Variants in RANBP2 observed in about 807,000 individuals in gnomAD.
RANBP2 encodes the protein RAN binding protein 2.
A neutral mutation model predicts 303.6 loss-of-function variants in RANBP2; 57 were observed. The ratio of observed to expected loss-of-function variants is 0.19; its 90% CI spans 0.15 to 0.23. RANBP2 has a LOEUF of 0.23. Among genes scored for constraint, RANBP2 ranks in the 10% least tolerant of loss-of-function variants. The probability of loss-of-function intolerance (pLI) is 1.00; values close to 1 mark genes in which losing one functional copy is unlikely to be tolerated. For missense variants in RANBP2, 3,138 were observed against 3,780.8 expected (o/e 0.83, Z 4.46); for synonymous variants, 1,167 against 1,301.5 (o/e 0.90, Z 2.23).
the RANBP2 span, among the ~76,000 whole-genome samples, chr2:108,799,303 T>A: frequency 0.8 from 121,479 of 151,740 alleles, 48,896 homozygotes; most frequent in East Asian, 0.95. Context: ...TAAGATATAT[T>A]TTACTGTACA....
rs531942994 is a variant in RANBP2 at position 108,763,919 on chromosome 2, G to C, written c.3380G>C (p.Arg1127Pro). Reference protein sequence around the residue: ...SSQQKNSGFRRSDDMFTFHGP... With the variant: ...SSQQKNSGFRPSDDMFTFHGP... ...CAGCAAAAGAATTCTGGTTTTCGGC[G>C]AAGTGATGATATGTTTACTTTCCAT... Residue 1127 changes from arginine to proline, a missense_variant, in exon 20 of 29, where the codon CGA becomes CCA. Transcript: ENST00000283195. 6.2e-7 allele frequency: 1 copy of C among 1,613,886 alleles called. No homozygotes were observed. Among genetic ancestry groups the C allele is most frequent in the South Asian group, 1.1e-5 (1 of 91,084 alleles).
At chr2:109,084,971 C>T in the RANBP2 span, among the ~76,000 whole-genome samples, 1 of 152,164 alleles carries the variant, frequency 6.6e-6, no homozygotes, top group Admixed American at 6.5e-5. Flanking sequence ...TTGATAACAC[C>T]TGAGCCTGAC....
At chr2:109,579,982 G>A in the RANBP2 span, among the ~76,000 whole-genome samples, 1,077 of 151,784 alleles carry the variant, frequency 7.1e-3, 13 homozygotes, top group African/African-American at 0.024. Context: ...TTAGCTGGGC[G>A]TGGTGGCAGG....
At chr2:108,958,704 T>C in the RANBP2 span, among the ~76,000 whole-genome samples, 1 of 152,202 alleles carries the variant, frequency 6.6e-6, no homozygotes, top group Non-Finnish European at 1.5e-5. Context: ...GTGACTTCTG[T>C]TGGAACACCC....
chr2:108,768,392 A>G lies in RANBP2; in HGVS notation c.7849+4A>G, dbSNP rs2949961. On this transcript the variant is annotated splice_donor_region_variant and intron_variant, in intron 20 of 28. Transcript: ENST00000283195. Reference sequence around the variant, plus strand: ...ACATTTAAAACACCAGAAAAGGGTAAGTACTTTGTTGTTAAAGTTAAGCAC... The same window carrying G: ...ACATTTAAAACACCAGAAAAGGGTAGGTACTTTGTTGTTAAAGTTAAGCAC... The G allele has an allele frequency of 4.7e-3, 7,506 of 1,599,878 alleles. 116 individuals are homozygous for G. The highest frequency in any genetic ancestry group is 0.029 in the East Asian group (1,286 of 44,486).
chr2:109,673,534 C>T, the RANBP2 span, among the ~76,000 whole-genome samples: 1 of 152,112 alleles, frequency 6.6e-6, no homozygotes, highest in Non-Finnish European at 1.5e-5. Flanking sequence ...TTTGGGTGGG[C>T]ATCAGAAATT....
the RANBP2 span, among the ~76,000 whole-genome samples, chr2:108,962,768 G>T: frequency 6.7e-6 from 1 of 149,686 alleles, no homozygotes; most frequent in African/African-American, 2.5e-5. Flanking sequence ...TGACACCATC[G>T]CACACACACC....
the RANBP2 span, among the ~76,000 whole-genome samples, chr2:108,916,326 C>T: frequency 6.4e-4 from 97 of 152,272 alleles, no homozygotes; most frequent in South Asian, 3.9e-3. Context: ...GGCTCGCAGG[C>T]TGCTTCAGGT....
At chr2:109,677,543 G>T in the RANBP2 span, among the ~76,000 whole-genome samples, 1 of 152,110 alleles carries the variant, frequency 6.6e-6, no homozygotes, top group African/African-American at 2.4e-5. Flanking sequence ...AAGCTGTATG[G>T]GTCGCCAGAG....
At chr2:109,435,993 C>T in the RANBP2 span, among the ~76,000 whole-genome samples, 1 of 152,176 alleles carries the variant, frequency 6.6e-6, no homozygotes, top group Non-Finnish European at 1.5e-5. Flanking sequence ...GAAACCCTCA[C>T]TCTGTGTTGC....
chr2:109,205,816 A>G, the RANBP2 span, among the ~76,000 whole-genome samples: 1 of 152,174 alleles, frequency 6.6e-6, no homozygotes, highest in African/African-American at 2.4e-5. Flanking sequence ...AGGGAAGCAC[A>G]CTGTGTGTGT....
the RANBP2 span, among the ~76,000 whole-genome samples, chr2:108,985,471 C>T: frequency 5.9e-5 from 9 of 152,356 alleles, no homozygotes; most frequent in Non-Finnish European, 1.3e-4. Flanking sequence ...TGTAGGGCTC[C>T]TTACGGCCCA....
In RANBP2 at chr2:108,762,153, C is replaced by T. The variant is rs1445637927; in HGVS notation, c.2655C>T (p.Ser885=). ...VYYSQSPAYN[S]QYLLRPAANV... ...ATAGTCAGTCACCAGCATATAATTC[C>T]CAGTATCTTCTCAGACCAGCAGCTA... Residue 885 remains serine, a synonymous_variant, in exon 19 of 29, where the codon TCC becomes TCT. Coordinates refer to ENST00000283195, the MANE Select transcript of RANBP2 (RefSeq NM_006267.5). 1.3e-6 allele frequency: 2 copies of T among 1,594,324 alleles called. No homozygotes were observed. The highest frequency in any genetic ancestry group is 2.7e-5 in the African/African-American group (2 of 74,168).
the RANBP2 span, among the ~76,000 whole-genome samples, chr2:109,228,893 A>G: frequency 6.6e-6 from 1 of 152,132 alleles, no homozygotes; most frequent in South Asian, 2.1e-4. Flanking sequence ...TATCAACACA[A>G]TATCCAGCCC....
chr2:109,615,764 C>G, the RANBP2 span: 9 of 1,614,002 alleles, frequency 5.6e-6, no homozygotes, highest in Non-Finnish European at 7.6e-6. Context: ...ATCTCATCAC[C>G]TACAAACTCT....
At chr2:109,055,602 T>C in the RANBP2 span, among the ~76,000 whole-genome samples, 1 of 151,608 alleles carries the variant, frequency 6.6e-6, no homozygotes, top group African/African-American at 2.4e-5. Flanking sequence ...GCCAGGCTGG[T>C]CTCGAACTGC....
At chr2:109,578,228 A>C in the RANBP2 span, among the ~76,000 whole-genome samples, 1 of 152,204 alleles carries the variant, frequency 6.6e-6, no homozygotes, top group South Asian at 2.1e-4. Flanking sequence ...TACACGATCA[A>C]ATAAAGGGTA....
chr2:109,686,678 C>T, the RANBP2 span, among the ~76,000 whole-genome samples: 1 of 152,140 alleles, frequency 6.6e-6, no homozygotes, highest in African/African-American at 2.4e-5. Flanking sequence ...GTGACATGAT[C>T]TCAGCTCACA....
chr2:109,103,760 C>G, the RANBP2 span, among the ~76,000 whole-genome samples: 1 of 151,940 alleles, frequency 6.6e-6, no homozygotes, highest in African/African-American at 2.4e-5. Context: ...GGGGAAAGAT[C>G]TAGTTATGTG....
Sources: allele counts gnomAD v4.1 joint callset (sites outside exome capture counted in the v4.1 genomes callset), GRCh38; gene constraint gnomAD v4.1.1; transcripts MANE v1.5; gene names NCBI Gene and HGNC (gene_info 2026-07-23, HGNC 2026-07-21).